Variants in SCFD1 observed in about 807,000 individuals in gnomAD.
The protein encoded by SCFD1 is sec1 family domain containing 1.
Under a neutral mutation model 103.2 loss-of-function variants are expected in SCFD1, and 37 were observed. That is an observed-to-expected ratio of 0.36 (90% CI 0.28 to 0.47). The LOEUF (loss-of-function observed/expected upper bound fraction) is 0.47, where lower values mean the gene tolerates loss of function less well. Among genes scored for constraint, SCFD1 ranks in the 20% least tolerant of loss-of-function variants. The pLI, the probability that SCFD1 is intolerant of heterozygous loss-of-function variation, is 1.00. For synonymous variants in SCFD1, 264 were observed against 245.0 expected (o/e 1.08, Z -0.73); for missense variants, 639 against 761.2 (o/e 0.84, Z 1.89).
At chr14:30,694,709 T>G in intron 14 of SCFD1, 64 bp from the exon 15 acceptor site, 1 of 1,502,150 alleles carries the variant, frequency 6.7e-7, no homozygotes, top group Non-Finnish European at 8.8e-7. Flanking sequence ...ACTTATAAGG[T>G]GAGTAGATCA....
chr14:30,705,846 C>G lies in SCFD1; in HGVS notation c.1514C>G (p.Ala505Gly). Residue 505 changes from alanine (A) to glycine (G), a missense_variant, in exon 18 of 25, where the codon GCT becomes GGT. By Grantham distance (60) the Ala-to-Gly change is moderately conservative (BLOSUM62 0). Transcript: ENST00000458591. ...AGGGCTTTTACCAAGATGGCCTCAG[C>G]TCCGGCCAGCTATGGCAGCACTACC... is the stretch of plus-strand genomic sequence containing the variant. ...QWKAFTKMAS[A>G]PASYGSTTTK... The G allele has an allele frequency of 6.2e-7, 1 of 1,613,762 alleles. No homozygotes were observed. The highest frequency in any genetic ancestry group is 8.5e-7 in the Non-Finnish European group (1 of 1,179,778).
At chr14:30,649,349 A>T (rs1886180869) in intron 7 of SCFD1, among the ~76,000 whole-genome samples, 179 bp from the exon 8 acceptor site, 2 of 152,162 alleles carry the variant, frequency 1.3e-5, no homozygotes, top group Non-Finnish European at 2.9e-5. Context: ...TGTACCCCCT[A>T]AATATATTTT....
At chr14:30,705,688 A>G in intron 17 of SCFD1, 135 bp from the exon 18 acceptor site, 1 of 635,222 alleles carries the variant, frequency 1.6e-6, no homozygotes, top group Non-Finnish European at 2.8e-6. Context: ...GTGTACTTGT[A>G]TTCGTTGAAA....
At chr14:30,635,404 A>G (rs1475007009) in intron 4 of SCFD1, among the ~76,000 whole-genome samples, 1 of 152,104 alleles carries the variant, frequency 6.6e-6, no homozygotes, top group Non-Finnish European at 1.5e-5. Flanking sequence ...ACCTGGTACC[A>G]TTTATCACAT....
intron 10 of SCFD1, among the ~76,000 whole-genome samples, chr14:30,655,424 A>G (rs1478365983): frequency 6.6e-6 from 1 of 152,166 alleles, no homozygotes; most frequent in Non-Finnish European, 1.5e-5. Context: ...ATTATAGTAT[A>G]TGATTGTATT....
At chr14:30,630,598 C>T in intron 3 of SCFD1, 33 bp downstream of exon 3, 1 of 1,223,748 alleles carries the variant, frequency 8.2e-7, no homozygotes, top group Non-Finnish European at 1.2e-6. Flanking sequence ...TAGTGGTATT[C>T]ATTTAAAGAA....
At chr14:30,649,179 T>C (rs1448958195) in intron 7 of SCFD1, among the ~76,000 whole-genome samples, 1 of 152,136 alleles carries the variant, frequency 6.6e-6, no homozygotes, top group Non-Finnish European at 1.5e-5. Flanking sequence ...AATCCTTTTA[T>C]GTGAGCTTGT....
chr14:30,626,921 T>G (rs1349015065), intron 1 of SCFD1, among the ~76,000 whole-genome samples: 3 of 152,234 alleles, frequency 2.0e-5, no homozygotes, highest in Non-Finnish European at 4.4e-5. Context: ...GTTTTTCTTG[T>G]GAGTGAATGA....
At chr14:30,719,290 CCA>C (rs777991242) in intron 20 of SCFD1, 33 bp from the exon 21 acceptor site, 62 of 1,370,410 alleles carry the variant, frequency 4.5e-5, no homozygotes, top group Non-Finnish European at 5.8e-5. Context: ...AAGAGAAATT[CCA>C]CAGTCATGGT....
intron 14 of SCFD1, chr14:30,683,401 C>T: frequency 1.9e-6 from 1 of 537,930 alleles, no homozygotes; most frequent in Non-Finnish European, 3.5e-6. Context: ...GTGGCAGCTG[C>T]TCCATGGATG....
intron 3 of SCFD1, among the ~76,000 whole-genome samples, chr14:30,632,648 A>G (rs1037530253): frequency 1.3e-5 from 2 of 152,172 alleles, no homozygotes; most frequent in Non-Finnish European, 2.9e-5. Context: ...ATTGAGTGCC[A>G]TTGTCTCTGT....
At chr14:30,641,920 A>G (rs1324759976) in intron 6 of SCFD1, among the ~76,000 whole-genome samples, 1 of 152,212 alleles carries the variant, frequency 6.6e-6, no homozygotes, top group Non-Finnish European at 1.5e-5. Flanking sequence ...ATCTTTCAAC[A>G]TATAGTTATT....
intron 19 of SCFD1, among the ~76,000 whole-genome samples, chr14:30,710,332 T>TG (rs762593653): frequency 1.2e-5 from 1 of 82,046 alleles, no homozygotes; most frequent in African/African-American, 5.4e-5. Flanking sequence ...GCCATGTCAT[T>TG]AAAAAAAAAA....
intron 19 of SCFD1, 70 bp from the exon 20 acceptor site, chr14:30,715,854 G>A: frequency 1.3e-6 from 1 of 792,244 alleles, no homozygotes; most frequent in East Asian, 2.6e-5. Context: ...ACTGTAGAAT[G>A]ATCAGGTTGT....
intron 19 of SCFD1, among the ~76,000 whole-genome samples, chr14:30,711,874 G>T (rs1419119809): frequency 6.6e-6 from 1 of 152,036 alleles, no homozygotes; most frequent in Admixed American, 6.6e-5. Flanking sequence ...GGAATGGGTA[G>T]TAGGTGATAG....
At chr14:30,730,137 C>T (rs1301201163) in intron 23 of SCFD1, among the ~76,000 whole-genome samples, 1 of 152,160 alleles carries the variant, frequency 6.6e-6, no homozygotes, top group African/African-American at 2.4e-5. Context: ...CTATAGTTTG[C>T]TGGGAATGAT....
chr14:30,680,679 G>A (rs1286925945), intron 14 of SCFD1, among the ~76,000 whole-genome samples: 1 of 152,064 alleles, frequency 6.6e-6, no homozygotes, highest in African/African-American at 2.4e-5. Context: ...CTGTAATCCT[G>A]GCCACTCAAA....
rs1004481743 is a variant in SCFD1 at position 30,723,514 on chromosome 14, A to C, written c.1836+955A>C. 2.6e-5 allele frequency among the ~76,000 whole-genome samples: 4 copies of C among 152,260 alleles called. No individual in the cohort carries two copies. The East Asian group carries it at 7.7e-4, about 29-fold the overall frequency. ...ATTTCATCACTCAGGTATTAAGCCT[A>C]GTACCCATTTGTTATTTTTCCTGAT... On this transcript the variant is annotated intron_variant, in intron 23 of 24. Transcript: ENST00000458591.
At chr14:30,719,123 T>C (rs1466276788) in intron 20 of SCFD1, among the ~76,000 whole-genome samples, 1 of 152,166 alleles carries the variant, frequency 6.6e-6, no homozygotes, top group Non-Finnish European at 1.5e-5. Context: ...AACAACCTGA[T>C]AGACCATTAT....
Sources: gnomAD v4.1 joint callset for allele counts (sites outside exome capture counted in the v4.1 genomes callset) on GRCh38, gnomAD v4.1.1 for gene constraint, MANE v1.5 for transcripts, NCBI Gene and HGNC (gene_info 2026-07-23, HGNC 2026-07-21) for gene names.